Variants in KCNG2 observed in about 807,000 individuals in gnomAD.
KCNG2 encodes the protein voltage-gated potassium channel regulatory subunit KCNG2.
A neutral mutation model predicts 12.3 loss-of-function variants in KCNG2; 7 were observed. The ratio of observed to expected loss-of-function variants is 0.57; its 90% CI spans 0.32 to 1.07. The LOEUF (loss-of-function observed/expected upper bound fraction) is 1.07. KCNG2 is among the 50% of genes least tolerant of loss of function. The pLI is 0.04. For missense variants in KCNG2, 703 were observed against 726.0 expected, an observed-to-expected ratio of 0.97 and a Z score of 0.36; for synonymous variants, 414 against 351.4, an observed-to-expected ratio of 1.18 and a Z score of -1.99.
Position 79,898,817 on chromosome 18 carries a change from C to A in KCNG2, c.625-223C>A, listed in dbSNP as rs76584523. On this transcript the variant is annotated intron_variant, in intron 3 of 3. Transcript: ENST00000316249. ...TCACCAGTTTCCTGGGTCAGCTAAG[C>A]GCATCCGCTCTCAAGCCCGAAGTGA... 3.9e-5 allele frequency among the ~76,000 whole-genome samples: 6 copies of A among 152,384 alleles called. No individual in the cohort carries two copies. In the East Asian group the frequency reaches 1.2e-3, roughly 29 times the overall value.
chr18:79,810,695 T>C (rs2087488076), intron 1 of KCNG2, among the ~76,000 whole-genome samples: 1 of 152,112 alleles, frequency 6.6e-6, no homozygotes, highest in African/African-American at 2.4e-5. Context: ...GCTCAGGAGT[T>C]TGAAGCTGCA....
intron 3 of KCNG2, among the ~76,000 whole-genome samples, chr18:79,875,000 C>A (rs141454172): frequency 6.6e-6 from 1 of 152,152 alleles, no homozygotes; most frequent in Non-Finnish European, 1.5e-5. Context: ...CACACCCCAG[C>A]GGGACAGCCT....
At chr18:79,810,060 C>G (rs897614585) in intron 1 of KCNG2, among the ~76,000 whole-genome samples, 2 of 152,140 alleles carry the variant, frequency 1.3e-5, no homozygotes, top group South Asian at 4.1e-4. Flanking sequence ...GTGGAAGGGC[C>G]GATGAGGATG....
intron 1 of KCNG2, among the ~76,000 whole-genome samples, chr18:79,831,693 C>G (rs1233791898): frequency 7.3e-6 from 1 of 136,828 alleles, no homozygotes; most frequent in African/African-American, 2.7e-5. Flanking sequence ...GCGGACAGAG[C>G]CTTCGTCAGG....
chr18:79,823,827 C>T (rs2087590960), intron 1 of KCNG2, among the ~76,000 whole-genome samples: 1 of 152,196 alleles, frequency 6.6e-6, no homozygotes, highest in African/African-American at 2.4e-5. Context: ...TGAGCTAACA[C>T]CAAGAGGAAG....
intron 1 of KCNG2, among the ~76,000 whole-genome samples, chr18:79,799,377 G>C (rs763586169): frequency 4.6e-5 from 7 of 152,134 alleles, no homozygotes; most frequent in Non-Finnish European, 8.8e-5. Context: ...GATGGTGCAG[G>C]GTACACAGCT....
In KCNG2 at chr18:79,899,717, G is replaced by A. The variant is rs761939934; in HGVS notation, c.1302G>A (p.Thr434=). ...SPEPALQEDS[T]HSATATEDSS... ...AGCCGGCCCTGCAGGAGGACAGCAC[G>A]CACTCGGCCACAGCCACCGAGGACA... The change falls in exon 4 of 4, where the codon ACG becomes ACA. Residue 434 remains threonine, a synonymous_variant. Coordinates refer to ENST00000316249, the MANE Select transcript of KCNG2 (RefSeq NM_012283.2). The A allele has an allele frequency of 1.2e-5, 20 of 1,603,258 alleles. No homozygotes were observed. Among genetic ancestry groups the A allele is most frequent in the African/African-American group, 5.4e-5 (4 of 73,908 alleles).
At position 79,873,382 on chromosome 18, in the gene KCNG2, C is replaced by T. The variant is rs1454784965; in HGVS notation, c.624+9091C>T. Among the ~76,000 whole-genome samples, 4 of 151,500 alleles carry T rather than the reference C, an allele frequency of 2.6e-5. No homozygotes were observed. The East Asian group carries it at 7.8e-4, about 29-fold the overall frequency. On this transcript the variant is annotated intron_variant, in intron 3 of 3. Coordinates refer to ENST00000316249, the MANE Select transcript of KCNG2 (RefSeq NM_012283.2). ...TCCCCCACACTCCCGTTCCCTCTGT[C>T]ACTCCCCGTGCTGGCCCACGGGTGC...
chr18:79,806,759 T>C (rs903941143), intron 1 of KCNG2, among the ~76,000 whole-genome samples: 9 of 152,218 alleles, frequency 5.9e-5, no homozygotes, highest in African/African-American at 2.2e-4. Flanking sequence ...TAGACTGTAA[T>C]GGTGACGCTT....
At position 79,899,709 on chromosome 18, in the gene KCNG2, G is replaced by A. The variant is rs769258719; in HGVS notation, c.1294G>A (p.Asp432Asn). Reference sequence around the variant, plus strand: ...CAGCCCCGAGCCGGCCCTGCAGGAGGACAGCACGCACTCGGCCACAGCCAC... The same window carrying A: ...CAGCCCCGAGCCGGCCCTGCAGGAGAACAGCACGCACTCGGCCACAGCCAC... ...AASPEPALQE[D>N]STHSATATED... is the part of the protein sequence containing the mutation. The change falls in exon 4 of 4, where the codon GAC becomes AAC. Residue 432 changes from aspartate (D) to asparagine (N), a missense_variant. Asp to Asn is a conservative substitution (Grantham distance 23). Transcript: ENST00000316249. 1.2e-6 allele frequency: 2 copies of A among 1,605,930 alleles called. No individual in the cohort carries two copies. Among genetic ancestry groups the A allele is most frequent in the South Asian group, 2.2e-5 (2 of 89,880 alleles).
chr18:79,853,913 G>A (rs1978913600), intron 1 of KCNG2, among the ~76,000 whole-genome samples: 1 of 152,254 alleles, frequency 6.6e-6, no homozygotes, highest in Admixed American at 6.5e-5. Context: ...GTGGGGAGCT[G>A]GCTCAGGGGG....
chr18:79,882,850 G>C (rs1304744852), intron 3 of KCNG2, among the ~76,000 whole-genome samples: 1 of 148,754 alleles, frequency 6.7e-6, no homozygotes, highest in African/African-American at 2.5e-5. Flanking sequence ...TGCGCGTGGA[G>C]CGCGGAGGCC....
intron 1 of KCNG2, among the ~76,000 whole-genome samples, chr18:79,834,809 T>C (rs975018876): frequency 1.3e-5 from 2 of 152,230 alleles, no homozygotes; most frequent in African/African-American, 2.4e-5. Flanking sequence ...GGAAACATTC[T>C]TGAGCAGGAG....
rs2087375600 is a variant in KCNG2, at chr18:79,798,013, A to C, written c.-116A>C. On this transcript the variant is annotated splice_region_variant and 5_prime_UTR_variant, in exon 1 of 4. Coordinates refer to ENST00000316249, the MANE Select transcript of KCNG2 (RefSeq NM_012283.2). ...CCGGAGCTCGCGGAGTCTGGACCGC[A>C]GGTAAAGTTGAGCGCGCCGTGGGGC... Among the ~76,000 whole-genome samples, 1 of 136,202 alleles carries C rather than the reference A, an allele frequency of 7.3e-6. No homozygotes were observed. The highest frequency in any genetic ancestry group is 2.8e-5 in the African/African-American group (1 of 36,264). 89.4% of individuals were successfully genotyped at this position (136,202 alleles called of 152,430 possible). A position where few individuals can be genotyped will look rare whatever the true frequency, so the allele number is the denominator to read the frequency against.
intron 1 of KCNG2, among the ~76,000 whole-genome samples, chr18:79,810,603 A>G (rs563113430): frequency 2.9e-3 from 361 of 126,434 alleles, no homozygotes; most frequent in African/African-American, 8.7e-3. Flanking sequence ...CCCTGTCTCT[A>G]AAAAAAAAGA....
At chr18:79,858,672 T>C (rs1275496760) in intron 2 of KCNG2, among the ~76,000 whole-genome samples, 2 of 152,244 alleles carry the variant, frequency 1.3e-5, no homozygotes, top group Non-Finnish European at 2.9e-5. Context: ...TGTGACATTT[T>C]ATATTCCCAC....
At chr18:79,880,882 T>G (rs1226370938) in intron 3 of KCNG2, among the ~76,000 whole-genome samples, 2 of 152,224 alleles carry the variant, frequency 1.3e-5, no homozygotes, top group African/African-American at 2.4e-5. Flanking sequence ...AAAAAGCGTT[T>G]GACTAAATTC....
Position 79,865,291 on chromosome 18 carries a change from TGTGCTGAGGTCTGG to T in KCNG2, c.624+1023_624+1036del, listed in dbSNP as rs1181147582. Among the ~76,000 whole-genome samples, 236 of 106,618 alleles carry T rather than the reference TGTGCTGAGGTCTGG, an allele frequency of 2.2e-3. 2 individuals carry two copies. The highest frequency in any genetic ancestry group is 9.2e-3 in the African/African-American group (224 of 24,470). 69.9% of individuals were successfully genotyped at this position (106,618 alleles called of 152,430 possible). A position where few individuals can be genotyped will look rare whatever the true frequency, so the allele number is the denominator to read the frequency against. ...TGAGGTCTGTGTGCTGAGAGGTCTG[TGTGCTGAGGTCTGG>T]GTGCTGAGGTCTGGGTGCTGAGAGG... On this transcript the variant is annotated intron_variant, in intron 3 of 3. Transcript: ENST00000316249.
rs982084745 is a variant in KCNG2 at position 79,884,679 on chromosome 18, C to A, written c.625-14361C>A. Among the ~76,000 whole-genome samples the A allele has an allele frequency of 6.6e-6, 1 of 152,210 alleles. No individual in the cohort carries two copies. The highest frequency in any genetic ancestry group is 1.5e-5 in the Non-Finnish European group (1 of 68,038). Reference sequence around the variant, plus strand: ...GAAATGTTTGTGGTTTCCAAAGAGACCGGACACGCCCAAGGCCCACAGACA... The same window carrying A: ...GAAATGTTTGTGGTTTCCAAAGAGAACGGACACGCCCAAGGCCCACAGACA... On this transcript the variant is annotated intron_variant, in intron 3 of 3. Coordinates refer to ENST00000316249, the MANE Select transcript of KCNG2 (RefSeq NM_012283.2). The surrounding 1 kb of genome is among the most constrained non-coding windows in gnomAD (Gnocchi z 5.5).
Sources: gnomAD v4.1 joint callset for allele counts (sites outside exome capture counted in the v4.1 genomes callset) on GRCh38, gnomAD v4.1.1 for gene constraint, Gnocchi (gnomAD v3.1) non-coding constraint, MANE v1.5 for transcripts, NCBI Gene and HGNC (gene_info 2026-07-23, HGNC 2026-07-21) for gene names.